The following IRGM variants were observed in gnomAD, a reference collection of about 807,000 sequenced individuals.
IRGM encodes immunity related GTPase M, also known as immunity-related GTPase family M protein.
For missense variants in IRGM, 288 were observed against 219.9 expected (o/e 1.31, Z -1.96); for synonymous variants, 98 against 80.6 (o/e 1.22, Z -1.16).
chr5:150,872,032 T>C lies in IRGM; in HGVS notation c.159-5948T>C, dbSNP rs187225667. Among the ~76,000 whole-genome samples the C allele has an allele frequency of 3.3e-3, 503 of 152,364 alleles. 3 individuals carry two copies. Among genetic ancestry groups the C allele is most frequent in the African/African-American group, 0.011 (477 of 41,590 alleles). ...AGCACACCAGACTTTTCTCTGTACC[T>C]TATGATGTAAAATTTGCTATTTGAT... On this transcript the variant is annotated intron_variant and NMD_transcript_variant, in intron 1 of 3. Transcript: ENST00000520549.
intron 1 of IRGM, among the ~76,000 whole-genome samples, chr5:150,868,146 A>G (rs986947979): frequency 5.9e-5 from 9 of 152,094 alleles, no homozygotes; most frequent in African/African-American, 2.2e-4. Flanking sequence ...GTTGATTTTT[A>G]TATAAGATGA....
intron 1 of IRGM, among the ~76,000 whole-genome samples, chr5:150,871,031 A>G (rs1042513677): frequency 6.6e-6 from 1 of 152,168 alleles, no homozygotes; most frequent in African/African-American, 2.4e-5. Flanking sequence ...AAAAAGGAAA[A>G]CAAAAAAGGA....
chr5:150,896,851 C>T, intron 3 of IRGM: 1 of 1,613,716 alleles, frequency 6.2e-7, no homozygotes, highest in South Asian at 1.1e-5. Flanking sequence ...TGACCATCAC[C>T]TTGACAGACT....
In IRGM at chr5:150,848,484, G is replaced by T; in HGVS notation, c.361G>T (p.Ala121Ser). 6.4e-7 allele frequency: 1 copy of T among 1,551,838 alleles called. No homozygotes were observed. The highest frequency in any genetic ancestry group is 8.7e-7 in the Non-Finnish European group (1 of 1,146,976). The change falls in exon 2 of 2, where the codon GCA becomes TCA. Residue 121 changes from alanine (A) to serine (S), a missense_variant. Ala to Ser is a moderately conservative substitution (Grantham distance 99). Transcript: ENST00000522154. ...NRYDFIMVAS[A>S]QFSMNHVMLA... ...GTATGACTTCATCATGGTTGCATCT[G>T]CACAATTCAGCATGAATCATGTGAT...
At chr5:150,868,687 C>T (rs1019767305) in intron 1 of IRGM, among the ~76,000 whole-genome samples, 1 of 152,006 alleles carries the variant, frequency 6.6e-6, no homozygotes, top group Non-Finnish European at 1.5e-5. Flanking sequence ...AGGTATTTCA[C>T]CTCCTTGGTT....
chr5:150,887,701 T>C (rs971121507), intron 3 of IRGM, among the ~76,000 whole-genome samples: 1 of 142,602 alleles, frequency 7.0e-6, no homozygotes, highest in Non-Finnish European at 1.5e-5. Context: ...TAGAGAGAAA[T>C]GACAGGTCAC....
chr5:150,848,264 C>G lies in IRGM; in HGVS notation c.141C>G (p.Ser47=). The part of the protein sequence containing the change: ...TMAGDSGNGM[S]TFISALRNTG... ...CAGGGGACTCTGGCAATGGGATGTC[C>G]ACCTTCATCAGTGCCCTTCGAAACA... The change falls in exon 2 of 2, where the codon TCC becomes TCG. Residue 47 remains serine, a synonymous_variant. Coordinates refer to ENST00000522154, the MANE Select transcript of IRGM (RefSeq NM_001145805.2). 1 of 1,551,754 alleles carries G rather than the reference C, an allele frequency of 6.4e-7. No individual in the cohort carries two copies. Among genetic ancestry groups the G allele is most frequent in the Admixed American group, 2.0e-5 (1 of 50,996 alleles).
At chr5:150,870,866 GTTGTT>G (rs1754273022) in intron 1 of IRGM, among the ~76,000 whole-genome samples, 1 of 151,788 alleles carries the variant, frequency 6.6e-6, no homozygotes, top group Admixed American at 6.6e-5. Flanking sequence ...TTCTGTTTTT[GTTGTT>G]TTGATTTGTT....
At chr5:150,898,341 T>C (rs1754871791) in intron 3 of IRGM, 1 of 1,607,480 alleles carries the variant, frequency 6.2e-7, no homozygotes, top group Non-Finnish European at 8.5e-7. Flanking sequence ...AGTCATGACA[T>C]ATGTCAGGAA....
In IRGM at chr5:150,848,677, CT is replaced by C. The variant is rs1753926882; in HGVS notation, c.*10del. The C allele has an allele frequency of 2.7e-6, 4 of 1,493,678 alleles. No homozygotes were observed. Among genetic ancestry groups the C allele is most frequent in the Non-Finnish European group, 3.6e-6 (4 of 1,111,464 alleles). 92.5% of individuals were successfully genotyped at this position (1,493,678 alleles called of 1,614,324 possible). On this transcript the variant is annotated 3_prime_UTR_variant, in exon 2 of 2. Coordinates refer to ENST00000522154, the MANE Select transcript of IRGM (RefSeq NM_001145805.2). The stretch of plus-strand genomic sequence containing the variant: ...CGGGTATGTGAATACTAATTCCTGT[CT>C]TCATTAAACATTTTCCATCTCCTCC...
chr5:150,874,684 C>A (rs1159306064), intron 1 of IRGM, among the ~76,000 whole-genome samples: 2 of 152,180 alleles, frequency 1.3e-5, no homozygotes, highest in Non-Finnish European at 2.9e-5. Context: ...GCTTTTCTGC[C>A]ATTTGGGCCA....
chr5:150,875,360 A>G (rs184582865), intron 1 of IRGM, among the ~76,000 whole-genome samples: 2 of 152,312 alleles, frequency 1.3e-5, no homozygotes, highest in Admixed American at 6.5e-5. Flanking sequence ...CTTTGCGTGG[A>G]AGGAAAAATG....
intron 3 of IRGM, among the ~76,000 whole-genome samples, chr5:150,889,138 A>C (rs900904317): frequency 2.0e-5 from 3 of 151,634 alleles, no homozygotes; most frequent in Non-Finnish European, 4.4e-5. Context: ...ATTTTTTTTC[A>C]AGATTTAAAA....
chr5:150,852,786 T>A (rs535270080), downstream of IRGM, among the ~76,000 whole-genome samples: 3 of 152,126 alleles, frequency 2.0e-5, no homozygotes, highest in South Asian at 6.2e-4. Context: ...AGCAGAAGAA[T>A]CAAACAACTA....
At chr5:150,896,895 A>G (rs941537638) in intron 3 of IRGM, 6 of 1,613,316 alleles carry the variant, frequency 3.7e-6, no homozygotes, top group Non-Finnish European at 5.1e-6. Context: ...ATCCCTTGTG[A>G]CTCCTTTCAG....
chr5:150,864,416 T>C (rs1216447295), intron 1 of IRGM, among the ~76,000 whole-genome samples: 1 of 152,218 alleles, frequency 6.6e-6, no homozygotes, highest in Non-Finnish European at 1.5e-5. Context: ...TTGTTCCTCT[T>C]GTTCCCAAAG....
intron 1 of IRGM, among the ~76,000 whole-genome samples, chr5:150,854,219 C>A (rs1458127910): frequency 2.0e-5 from 3 of 151,980 alleles, no homozygotes; most frequent in Non-Finnish European, 4.4e-5. Flanking sequence ...TCCCTTCCTG[C>A]TTTGTTATGT....
chr5:150,898,051 AT>A (rs771463914), intron 3 of IRGM: 49 of 1,605,234 alleles, frequency 3.1e-5, no homozygotes, highest in Non-Finnish European at 4.2e-5. Context: ...ATAAATTGAT[AT>A]TTCACTTCCC....
chr5:150,865,071 T>C (rs1215003795), intron 1 of IRGM, among the ~76,000 whole-genome samples: 1 of 152,220 alleles, frequency 6.6e-6, no homozygotes, highest in East Asian at 1.9e-4. Flanking sequence ...ATCTACCACA[T>C]ACCCATGTAG....
Sources: gnomAD v4.1 joint callset for allele counts (sites outside exome capture counted in the v4.1 genomes callset) on GRCh38, gnomAD v4.1.1 for gene constraint, MANE v1.5 for transcripts, NCBI Gene and HGNC (gene_info 2026-07-23, HGNC 2026-07-21) for gene names.